SLC24A2: variants seen among roughly 807,000 people sequenced by gnomAD.
SLC24A2 encodes the protein sodium/potassium/calcium exchanger 2.
SLC24A2 carries 36 observed loss-of-function variants against 62.0 expected under a neutral mutation model. The ratio of observed to expected loss-of-function variants is 0.58; its 90% CI spans 0.44 to 0.77. The LOEUF (loss-of-function observed/expected upper bound fraction) is 0.77. Among genes scored for constraint, SLC24A2 ranks in the 30% least tolerant of loss-of-function variants. SLC24A2 has a pLI of 0.00. For synonymous variants in SLC24A2, 358 were observed against 294.0 expected, an observed-to-expected ratio of 1.22 and a Z score of -2.23; for missense variants, 846 against 817.9, an observed-to-expected ratio of 1.03 and a Z score of -0.42.
the SLC24A2 span, among the ~76,000 whole-genome samples, chr9:19,978,020 G>T: frequency 1.3e-5 from 2 of 152,160 alleles, no homozygotes; most frequent in Non-Finnish European, 2.9e-5. Context: ...GAGCCCTGAG[G>T]GGTGTCTTGG....
the SLC24A2 span, among the ~76,000 whole-genome samples, chr9:19,853,951 G>T: frequency 2.8e-4 from 43 of 152,062 alleles, no homozygotes; most frequent in Non-Finnish European, 2.9e-5. Context: ...TTTTCTTGTT[G>T]GTAGGCTATG....
chr9:19,856,783 A>G, the SLC24A2 span, among the ~76,000 whole-genome samples: 1 of 152,184 alleles, frequency 6.6e-6, no homozygotes, highest in South Asian at 2.1e-4. Flanking sequence ...TGGATCCAGG[A>G]TCTGCTTAAC....
the SLC24A2 span, among the ~76,000 whole-genome samples, chr9:19,918,803 T>A: frequency 6.6e-6 from 1 of 152,166 alleles, no homozygotes; most frequent in South Asian, 2.1e-4. Context: ...TGCTGCCTTG[T>A]CTGCCTCAGA....
At chr9:19,717,656 C>T (rs934179024) in intron 2 of SLC24A2, among the ~76,000 whole-genome samples, 5 of 152,136 alleles carry the variant, frequency 3.3e-5, no homozygotes, top group African/African-American at 1.2e-4. Context: ...AGTTACATAG[C>T]ATCCTGTTCA....
chr9:19,789,653 C>T (rs931584261), upstream of SLC24A2, among the ~76,000 whole-genome samples: 1 of 152,180 alleles, frequency 6.6e-6, no homozygotes, highest in Non-Finnish European at 1.5e-5. Context: ...TCCTTCCTGT[C>T]CTATCTGGAA....
the SLC24A2 span, among the ~76,000 whole-genome samples, chr9:20,303,570 G>T: frequency 7.9e-5 from 12 of 152,196 alleles, no homozygotes; most frequent in East Asian, 1.5e-3. Context: ...TACAGCCAGG[G>T]ATACTTCCAA....
At chr9:19,575,443 G>A (rs1436614897) in intron 6 of SLC24A2, among the ~76,000 whole-genome samples, 1 of 152,218 alleles carries the variant, frequency 6.6e-6, no homozygotes, top group South Asian at 2.1e-4. Flanking sequence ...GAACAGATGA[G>A]CAGAGACTGC....
chr9:19,519,673 C>CAG (rs2132632453), intron 10 of SLC24A2, among the ~76,000 whole-genome samples: 1 of 152,260 alleles, frequency 6.6e-6, no homozygotes, highest in South Asian at 2.1e-4. Flanking sequence ...GTCTAGCAGG[C>CAG]AGATATACCA....
the SLC24A2 span, among the ~76,000 whole-genome samples, chr9:19,917,344 T>G: frequency 7.2e-6 from 1 of 138,572 alleles, no homozygotes; most frequent in Non-Finnish European, 1.6e-5. Context: ...TTGAGTTTTC[T>G]TTTTGTGTGG....
the SLC24A2 span, among the ~76,000 whole-genome samples, chr9:19,796,489 GC>G: frequency 6.6e-6 from 1 of 152,318 alleles, no homozygotes; most frequent in Non-Finnish European, 1.5e-5. Context: ...GTGTCCTGAA[GC>G]CTCTTTCTTG....
chr9:19,573,331 GCAA>G lies in SLC24A2; in HGVS notation c.1347+17_1347+19del. 1 of 1,468,730 alleles carries G rather than the reference GCAA, an allele frequency of 6.8e-7. No individual in the cohort carries two copies. Among genetic ancestry groups the G allele is most frequent in the Non-Finnish European group, 9.5e-7 (1 of 1,047,642 alleles). 91.0% of individuals were successfully genotyped at this position (1,468,730 alleles called of 1,614,324 possible). A position where few individuals can be genotyped will look rare whatever the true frequency, so the allele number is the denominator to read the frequency against. Reference sequence around the variant, plus strand: ...CAGTTAAGAACAACAGCCCAGAAGAGCAATGGAGAAAAGCCATACCTGGGCTTC... The same window carrying G: ...CAGTTAAGAACAACAGCCCAGAAGAGTGGAGAAAAGCCATACCTGGGCTTC... On this transcript the variant is annotated intron_variant, in intron 7 of 10. Transcript: ENST00000341998.
chr9:19,999,854 G>A, the SLC24A2 span, among the ~76,000 whole-genome samples: 1 of 152,180 alleles, frequency 6.6e-6, no homozygotes, highest in Non-Finnish European at 1.5e-5. Context: ...AAGTCTAGAA[G>A]GGGCCTGTTT....
chr9:19,526,064 A>G (rs1437202504), intron 9 of SLC24A2, among the ~76,000 whole-genome samples: 1 of 152,024 alleles, frequency 6.6e-6, no homozygotes. Flanking sequence ...GTCTCTATAG[A>G]TTTGCCTGTT....
chr9:19,687,588 G>A (rs571864242), intron 2 of SLC24A2, among the ~76,000 whole-genome samples: 120 of 152,142 alleles, frequency 7.9e-4, no homozygotes, highest in African/African-American at 2.6e-3. Context: ...GTTCCACGCC[G>A]TGTTTCTCAA....
At chr9:20,000,254 A>T in the SLC24A2 span, among the ~76,000 whole-genome samples, 1 of 152,212 alleles carries the variant, frequency 6.6e-6, no homozygotes, top group African/African-American at 2.4e-5. Flanking sequence ...TGCTAAGCAT[A>T]TTACATGGAC....
intron 2 of SLC24A2, among the ~76,000 whole-genome samples, chr9:19,729,225 C>CA (rs1462174196): frequency 1.3e-5 from 2 of 152,036 alleles, no homozygotes; most frequent in African/African-American, 4.8e-5. Flanking sequence ...ATCAAAAAGA[C>CA]AAAAAATAAC....
chr9:20,196,876 A>T, the SLC24A2 span, among the ~76,000 whole-genome samples: 1 of 152,208 alleles, frequency 6.6e-6, no homozygotes, highest in Non-Finnish European at 1.5e-5. Flanking sequence ...ATATTCTTTC[A>T]ATTCCTTTGT....
the SLC24A2 span, among the ~76,000 whole-genome samples, chr9:20,141,376 C>T: frequency 6.6e-6 from 1 of 151,946 alleles, no homozygotes; most frequent in Non-Finnish European, 1.5e-5. Context: ...CATTTGTGGT[C>T]GTCTCATTGT....
At chr9:20,125,954 G>A in the SLC24A2 span, among the ~76,000 whole-genome samples, 2 of 152,198 alleles carry the variant, frequency 1.3e-5, no homozygotes, top group African/African-American at 4.8e-5. Flanking sequence ...GGATCTGGGA[G>A]GGGAGGGCTG....
Sources: allele counts gnomAD v4.1 joint callset (sites outside exome capture counted in the v4.1 genomes callset), GRCh38; gene constraint gnomAD v4.1.1; transcripts MANE v1.5; gene names NCBI Gene and HGNC (gene_info 2026-07-23, HGNC 2026-07-21).